The following BRINP3 variants were observed in gnomAD, a reference collection of about 807,000 sequenced individuals.
BRINP3 encodes BMP/retinoic acid-inducible neural-specific protein 3.
A neutral mutation model predicts 71.0 loss-of-function variants in BRINP3; 19 were observed. That is an observed-to-expected ratio of 0.27 (90% confidence interval 0.19 to 0.39). The LOEUF (loss-of-function observed/expected upper bound fraction) is 0.39. Ranked by LOEUF, BRINP3 falls within the 10% of genes least tolerant of loss-of-function variation. The probability of loss-of-function intolerance (pLI) is 1.00; values close to 1 mark genes in which losing one functional copy is unlikely to be tolerated. For missense variants in BRINP3, 959 were observed against 940.8 expected (o/e 1.02, Z -0.25); for synonymous variants, 380 against 337.7 (o/e 1.13, Z -1.37).
chr1:190,281,424 A>T (rs1663028482), intron 3 of BRINP3, 136 bp downstream of exon 3: 5 of 813,312 alleles, frequency 6.1e-6, no homozygotes, highest in Non-Finnish European at 9.7e-6. Flanking sequence ...ATCACTCAAA[A>T]TGTGTTGGGT....
chr1:190,239,121 G>A (rs543116271), intron 4 of BRINP3, among the ~76,000 whole-genome samples: 98 of 152,112 alleles, frequency 6.4e-4, no homozygotes, highest in African/African-American at 2.3e-3. Context: ...AGAACAGTTT[G>A]GGGGAAACCA....
intron 6 of BRINP3, among the ~76,000 whole-genome samples, chr1:190,181,184 C>T (rs971119024): frequency 4.5e-4 from 69 of 151,958 alleles, no homozygotes; most frequent in Middle Eastern, 3.2e-3. Flanking sequence ...TGGCTTTTTT[C>T]TTTACTTATC....
At chr1:190,294,615 C>T (rs1664114787) in intron 2 of BRINP3, among the ~76,000 whole-genome samples, 1 of 152,092 alleles carries the variant, frequency 6.6e-6, no homozygotes, top group Admixed American at 6.5e-5. Context: ...GGTCTGGTGA[C>T]TGGCACTTTA....
At chr1:190,202,400 C>G (rs1167521663) in intron 6 of BRINP3, among the ~76,000 whole-genome samples, 1 of 152,084 alleles carries the variant, frequency 6.6e-6, no homozygotes, top group Non-Finnish European at 1.5e-5. Flanking sequence ...GCAGAAGGGT[C>G]TTGCCTTGTC....
intron 6 of BRINP3, among the ~76,000 whole-genome samples, chr1:190,186,234 C>T (rs947343101): frequency 1.3e-5 from 2 of 151,706 alleles, no homozygotes; most frequent in African/African-American, 4.8e-5. Context: ...AAAAATTAGC[C>T]AGACATCGTG....
At chr1:190,415,758 CCAGGTA>C (rs1672969109) in intron 2 of BRINP3, among the ~76,000 whole-genome samples, 1 of 151,874 alleles carries the variant, frequency 6.6e-6, no homozygotes, top group South Asian at 2.1e-4. Context: ...TAATAATCAG[CCAGGTA>C]TGGTGGCATG....
At chr1:190,363,342 T>C (rs1400173106) in intron 2 of BRINP3, among the ~76,000 whole-genome samples, 1 of 152,180 alleles carries the variant, frequency 6.6e-6, no homozygotes, top group African/African-American at 2.4e-5. Flanking sequence ...GAGGACACAG[T>C]TCACCCCTGC....
intron 2 of BRINP3, among the ~76,000 whole-genome samples, chr1:190,329,394 G>C (rs971332061): frequency 1.6e-4 from 24 of 151,612 alleles, no homozygotes; most frequent in Non-Finnish European, 3.5e-4. Flanking sequence ...TAACATTCAA[G>C]CTGAGAGCTA....
At chr1:190,412,408 TA>T (rs1672731535) in intron 2 of BRINP3, among the ~76,000 whole-genome samples, 1 of 141,632 alleles carries the variant, frequency 7.1e-6, no homozygotes, top group Non-Finnish European at 1.6e-5. Context: ...TATATATATA[TA>T]TATATACACT....
intron 1 of BRINP3, among the ~76,000 whole-genome samples, chr1:190,456,378 CTTT>C: frequency 6.6e-6 from 1 of 152,228 alleles, no homozygotes; most frequent in African/African-American, 2.4e-5. Context: ...AGCGTACCGT[CTTT>C]TGTAAACAAC....
At chr1:190,457,205 G>A (rs1459110575) in intron 1 of BRINP3, among the ~76,000 whole-genome samples, 1 of 152,122 alleles carries the variant, frequency 6.6e-6, no homozygotes, top group African/African-American at 2.4e-5. Context: ...ACTTTGGGAG[G>A]CCGAGGAGGG....
chr1:190,242,665 G>GT (rs553042948), intron 4 of BRINP3, among the ~76,000 whole-genome samples: 3 of 151,876 alleles, frequency 2.0e-5, no homozygotes, highest in African/African-American at 4.8e-5. Context: ...GTAGTGTTTG[G>GT]TTTTTTTATT....
chr1:190,414,663 A>C (rs1415380954), intron 2 of BRINP3, among the ~76,000 whole-genome samples: 1 of 152,214 alleles, frequency 6.6e-6, no homozygotes, highest in Non-Finnish European at 1.5e-5. Flanking sequence ...AAAGAGTTGC[A>C]TCCACCAATA....
At chr1:190,293,606 T>C (rs1302689417) in intron 2 of BRINP3, among the ~76,000 whole-genome samples, 2 of 152,184 alleles carry the variant, frequency 1.3e-5, no homozygotes, top group Admixed American at 6.6e-5. Flanking sequence ...TAAACATTGC[T>C]GAAAATGGGG....
intron 6 of BRINP3, among the ~76,000 whole-genome samples, chr1:190,177,154 T>TA (rs1251127393): frequency 1.5e-4 from 17 of 112,014 alleles, no homozygotes; most frequent in African/African-American, 4.2e-4. Flanking sequence ...CCACTTCTTT[T>TA]TTTTTTTTTT....
rs1651389911 is a variant in BRINP3 at position 190,098,426 on chromosome 1, A to G, written c.1893T>C (p.Ser631=). The part of the protein sequence containing the change: ...FFETVHIYLR[S]RIKSNGPNGN... ...CATTGGGACCATTGGACTTGATGCG[A>G]CTTCTCAGGTAGATGTGTACTGTCT... The change falls in exon 8 of 8, where the codon AGT becomes AGC. Residue 631 remains serine (S), a synonymous_variant. Coordinates refer to ENST00000367462, the MANE Select transcript of BRINP3 (RefSeq NM_199051.3). 1 of 1,614,008 alleles carries G rather than the reference A, an allele frequency of 6.2e-7. No homozygotes were observed. Among genetic ancestry groups the G allele is most frequent in the Admixed American group, 1.7e-5 (1 of 60,010 alleles).
chr1:190,323,614 G>T (rs1156775250), intron 2 of BRINP3, among the ~76,000 whole-genome samples: 22 of 148,798 alleles, frequency 1.5e-4, no homozygotes, highest in Admixed American at 1.4e-3. Context: ...AAAAAAATAA[G>T]AATTTTTTTC....
intron 7 of BRINP3, among the ~76,000 whole-genome samples, chr1:190,103,486 C>T (rs1651874592): frequency 1.3e-5 from 2 of 151,868 alleles, no homozygotes; most frequent in African/African-American, 2.4e-5. Context: ...GGGCCCCATC[C>T]CAGACATAAG....
intron 5 of BRINP3, among the ~76,000 whole-genome samples, chr1:190,233,885 A>C (rs554570278): frequency 6.6e-6 from 1 of 152,326 alleles, no homozygotes; most frequent in East Asian, 1.9e-4. Flanking sequence ...AATGGAAATC[A>C]TATGAATATA....
Sources: gnomAD v4.1 joint callset for allele counts (sites outside exome capture counted in the v4.1 genomes callset) on GRCh38, gnomAD v4.1.1 for gene constraint, MANE v1.5 for transcripts, NCBI Gene and HGNC (gene_info 2026-07-23, HGNC 2026-07-21) for gene names.